The following MYO3A variants were observed in gnomAD, a reference collection of about 807,000 sequenced individuals.
MYO3A encodes myosin IIIA, also known as myosin-IIIa.
MYO3A carries 180 observed loss-of-function variants against 192.7 expected under a neutral mutation model. That is an observed-to-expected ratio of 0.93 (90% CI 0.83 to 1.06). The LOEUF (loss-of-function observed/expected upper bound fraction) is 1.06, where lower values mean the gene tolerates loss of function less well. MYO3A is among the 50% of genes least tolerant of loss of function. The pLI is 0.00. For synonymous variants in MYO3A, 628 were observed against 645.3 expected (o/e 0.97, Z 0.41); for missense variants, 1,896 against 1,905.0 (o/e 1.00, Z 0.09).
Position 26,067,092 on chromosome 10 carries a change from A to T in MYO3A, c.1053+18A>T, listed in dbSNP as rs1399283580. 2 of 1,500,850 alleles carry T rather than the reference A, an allele frequency of 1.3e-6. No individual in the cohort carries two copies. Among genetic ancestry groups the T allele is most frequent in the Admixed American group, 1.7e-5 (1 of 59,848 alleles). The allele number at this position is 1,500,850 out of a possible 1,614,324, so 93.0% of individuals were successfully genotyped here. A position where few individuals can be genotyped will look rare whatever the true frequency, so the allele number is the denominator to read the frequency against. On this transcript the variant is annotated intron_variant, in intron 11 of 34. Coordinates refer to ENST00000642920, the MANE Select transcript of MYO3A (RefSeq NM_017433.5). ...TGGATGAGGTAAGAATTTCAGTTTA[A>T]TTAAACTTAGACATTCCAGATGTTT...
At chr10:26,166,214 A>G in intron 27 of MYO3A, 36 bp downstream of exon 27, 1 of 1,477,206 alleles carries the variant, frequency 6.8e-7, no homozygotes, top group Non-Finnish European at 9.5e-7. Flanking sequence ...AAAATAAATA[A>G]TTATGCTGGG....
chr10:25,947,806 A>G (rs555400879), intron 2 of MYO3A, among the ~76,000 whole-genome samples: 10 of 152,226 alleles, frequency 6.6e-5, no homozygotes, highest in Admixed American at 3.9e-4. Flanking sequence ...CCAAATATTT[A>G]TGGACTATCT....
At chr10:26,039,755 A>T (rs187694225) in intron 10 of MYO3A, among the ~76,000 whole-genome samples, 1 of 152,024 alleles carries the variant, frequency 6.6e-6, no homozygotes, top group Admixed American at 6.5e-5. Context: ...ATTTTACTTA[A>T]TTGGGTCTTC....
chr10:26,045,801 C>T (rs56387846), intron 10 of MYO3A, among the ~76,000 whole-genome samples: 24,733 of 152,148 alleles, frequency 0.16, 2,307 homozygotes, highest in Non-Finnish European at 0.21. Context: ...CCTACCTTCT[C>T]TGATTGCAGA....
At chr10:25,957,869 A>T (rs1194185525) in intron 4 of MYO3A, among the ~76,000 whole-genome samples, 1 of 152,026 alleles carries the variant, frequency 6.6e-6, no homozygotes. Flanking sequence ...TTCATATGCT[A>T]TTGGCTACAT....
chr10:26,058,937 T>TA (rs1834294890), intron 10 of MYO3A, among the ~76,000 whole-genome samples: 1 of 114,392 alleles, frequency 8.7e-6, no homozygotes. Context: ...AGTATTTCAT[T>TA]GGGGGGTGCA....
chr10:26,006,753 A>G (rs1841240949), intron 6 of MYO3A, among the ~76,000 whole-genome samples: 1 of 151,600 alleles, frequency 6.6e-6, no homozygotes. Flanking sequence ...CTTACCAACC[A>G]AAAAGAGTCC....
At chr10:26,059,243 G>C (rs1257823629) in intron 10 of MYO3A, among the ~76,000 whole-genome samples, 1 of 152,076 alleles carries the variant, frequency 6.6e-6, no homozygotes, top group African/African-American at 2.4e-5. Context: ...AGTGTAGAGA[G>C]AGAACATCCT....
In MYO3A at chr10:25,997,085, A is replaced by C; in HGVS notation, c.409-74A>C. 5.4e-6 allele frequency: 6 copies of C among 1,118,194 alleles called. No individual in the cohort carries two copies. The South Asian group carries it at 7.7e-5, about 14-fold the overall frequency. The allele number at this position is 1,118,194 out of a possible 1,614,324, so 69.3% of individuals were successfully genotyped here. ...ATTATGTGTTTCCTATTGATTTTGT[A>C]CAGGTACATCATCTGAAAATTTTTA... On this transcript the variant is annotated intron_variant, in intron 5 of 34. Transcript: ENST00000642920.
intron 10 of MYO3A, among the ~76,000 whole-genome samples, chr10:26,058,137 A>G (rs1169009557): frequency 3.9e-5 from 6 of 152,190 alleles, no homozygotes; most frequent in African/African-American, 1.2e-4. Flanking sequence ...TTCTCTGCCT[A>G]TTCATCTCTC....
At chr10:26,072,666 G>A (rs1158816851) in intron 14 of MYO3A, among the ~76,000 whole-genome samples, 1 of 150,118 alleles carries the variant, frequency 6.7e-6, no homozygotes, top group Admixed American at 6.6e-5. Context: ...TAAAGTTCAA[G>A]CTCCAAGACC....
chr10:25,968,256 A>G (rs186132740), intron 4 of MYO3A, among the ~76,000 whole-genome samples: 81 of 152,364 alleles, frequency 5.3e-4, no homozygotes, highest in African/African-American at 1.9e-3. Context: ...GACATCTTTG[A>G]AGGACTGAAA....
chr10:26,003,332 CA>C (rs1248799746), intron 6 of MYO3A, among the ~76,000 whole-genome samples: 2 of 152,040 alleles, frequency 1.3e-5, no homozygotes, highest in East Asian at 3.9e-4. Context: ...TCTGAGTTTC[CA>C]AAAGAGGTGC....
chr10:25,994,914 C>G (rs1448565822), intron 4 of MYO3A, among the ~76,000 whole-genome samples: 3 of 152,136 alleles, frequency 2.0e-5, no homozygotes, highest in Non-Finnish European at 4.4e-5. Context: ...TGTGGGTAAC[C>G]CGATCTTTCT....
At position 26,076,039 on chromosome 10, in the gene MYO3A, G is replaced by T. The variant is rs1202700032; in HGVS notation, c.1359+5638G>T. ...GTAGTGGAATTTCTGGATCAAATGG[G>T]AGTTCTACTTTCAGTTCTTTAAGAA... On this transcript the variant is annotated intron_variant, in intron 14 of 34. Coordinates refer to ENST00000642920, the MANE Select transcript of MYO3A (RefSeq NM_017433.5). 2.0e-5 allele frequency among the ~76,000 whole-genome samples: 3 copies of T among 149,862 alleles called. No homozygotes were observed. The East Asian group carries it at 5.8e-4, about 29-fold the overall frequency.
rs943384795 is a variant in MYO3A at position 25,935,833 on chromosome 10, A to G, written c.-18+3A>G. 1 of 152,244 alleles carries G rather than the reference A, an allele frequency of 6.6e-6. No homozygotes were observed. Among genetic ancestry groups the G allele is most frequent in the Admixed American group, 6.5e-5 (1 of 15,280 alleles). 9.4% of individuals were successfully genotyped at this position (152,244 alleles called of 1,614,324 possible). On this transcript the variant is annotated splice_donor_region_variant and intron_variant, in intron 2 of 34. Coordinates refer to ENST00000642920, the MANE Select transcript of MYO3A (RefSeq NM_017433.5). Reference sequence around the variant, plus strand: ...GTTATTTTCAAGCTTTGCTAACGGTAGGTGATAAAATTGACAAGTGTTCTG... The same window carrying G: ...GTTATTTTCAAGCTTTGCTAACGGTGGGTGATAAAATTGACAAGTGTTCTG...
At chr10:25,937,630 C>G (rs1037619575) in intron 2 of MYO3A, among the ~76,000 whole-genome samples, 1 of 152,112 alleles carries the variant, frequency 6.6e-6, no homozygotes, top group Admixed American at 6.5e-5. Context: ...CTAACACCAC[C>G]TTTTAAAGAT....
chr10:26,161,069 A>G (rs951990241), intron 26 of MYO3A, among the ~76,000 whole-genome samples: 4 of 152,268 alleles, frequency 2.6e-5, no homozygotes, highest in Admixed American at 6.5e-5. Context: ...GGATAAAACT[A>G]AGTGTATAGA....
chr10:26,009,334 GTAAC>G (rs1485006799), intron 6 of MYO3A, among the ~76,000 whole-genome samples: 5 of 152,080 alleles, frequency 3.3e-5, no homozygotes, highest in African/African-American at 1.2e-4. Context: ...GTATACATAT[GTAAC>G]TAACCTGCAC....
Sources: allele counts gnomAD v4.1 joint callset (sites outside exome capture counted in the v4.1 genomes callset), GRCh38; gene constraint gnomAD v4.1.1; transcripts MANE v1.5; gene names NCBI Gene and HGNC (gene_info 2026-07-23, HGNC 2026-07-21).